Variants in MGRN1 observed in about 807,000 individuals in gnomAD.
The protein encoded by MGRN1 is E3 ubiquitin-protein ligase MGRN1.
A neutral mutation model predicts 69.2 loss-of-function variants in MGRN1; 29 were observed. The observed-to-expected ratio is 0.42, with a 90% CI of 0.31 to 0.57. MGRN1 has a LOEUF of 0.57. Ranked by LOEUF, MGRN1 falls within the 20% of genes least tolerant of loss-of-function variation. MGRN1 has a pLI of 0.15. For missense variants in MGRN1, 998 were observed against 796.2 expected (o/e 1.25, Z -3.05); for synonymous variants, 470 against 344.2 (o/e 1.37, Z -4.04).
intron 6 of MGRN1, 151 bp from the exon 7 acceptor site, chr16:4,664,951 C>A: frequency 8.8e-7 from 1 of 1,142,434 alleles, no homozygotes; most frequent in Non-Finnish European, 1.3e-6. Context: ...GTGGAAAGTG[C>A]AGGAGGGCAG....
intron 1 of MGRN1, among the ~76,000 whole-genome samples, chr16:4,626,921 G>A (rs1475468557): frequency 6.6e-6 from 1 of 152,224 alleles, no homozygotes; most frequent in African/African-American, 2.4e-5. Flanking sequence ...CAGTCCACAG[G>A]TCCTCTCCAG....
chr16:4,645,565 G>A (rs985586667), intron 1 of MGRN1, among the ~76,000 whole-genome samples: 3 of 152,204 alleles, frequency 2.0e-5, no homozygotes, highest in African/African-American at 7.2e-5. Flanking sequence ...AGAAGAATAA[G>A]GCTGGAAAGG....
chr16:4,667,811 C>T (rs1026031265), intron 7 of MGRN1, among the ~76,000 whole-genome samples: 7 of 152,188 alleles, frequency 4.6e-5, no homozygotes, highest in Admixed American at 1.3e-4. Context: ...CCTGTGTGTG[C>T]ACCACTGTGC....
intron 16 of MGRN1, 49 bp downstream of exon 16, chr16:4,683,981 C>T (rs1373164154): frequency 1.1e-5 from 16 of 1,494,356 alleles, no homozygotes; most frequent in African/African-American, 1.4e-5. Context: ...CTGTCTTAGT[C>T]CCCAGGGAGG....
intron 1 of MGRN1, 89 bp from the exon 2 acceptor site, chr16:4,650,276 C>T: frequency 9.7e-7 from 1 of 1,029,534 alleles, no homozygotes; most frequent in Non-Finnish European, 1.4e-6. Flanking sequence ...GCACTCCAGC[C>T]TGGGTGGAGC....
intron 14 of MGRN1, 131 bp downstream of exon 14, chr16:4,683,077 G>A (rs1324261608): frequency 3.4e-6 from 5 of 1,492,480 alleles, no homozygotes; most frequent in East Asian, 4.6e-5. Context: ...GCTGAGCTGC[G>A]CGGCTCCTTA....
intron 5 of MGRN1, 117 bp from the exon 6 acceptor site, chr16:4,664,592 G>A: frequency 9.4e-7 from 1 of 1,060,804 alleles, no homozygotes; most frequent in Non-Finnish European, 1.5e-6. Flanking sequence ...CGTGTCCTCT[G>A]AGCTCTGCTG....
intron 8 of MGRN1, 37 bp downstream of exon 8, chr16:4,668,349 A>T (rs1455222335): frequency 6.2e-7 from 1 of 1,606,054 alleles, no homozygotes; most frequent in South Asian, 1.1e-5. Context: ...GCTTGAATTA[A>T]AAGACACACA....
At chr16:4,659,182 A>T (rs2078620269) in intron 5 of MGRN1, 1 of 152,052 alleles carries the variant, frequency 6.6e-6, no homozygotes, top group Non-Finnish European at 1.5e-5. Context: ...AAAAATAAAA[A>T]TAAAATAAAA....
intron 4 of MGRN1, 68 bp downstream of exon 4, chr16:4,652,892 C>T: frequency 6.7e-7 from 1 of 1,493,324 alleles, no homozygotes; most frequent in African/African-American, 1.4e-5. Context: ...GGCTTCTGTC[C>T]ACCTTACTAA....
intron 7 of MGRN1, among the ~76,000 whole-genome samples, chr16:4,667,000 G>A (rs1475505410): frequency 6.6e-6 from 1 of 152,194 alleles, no homozygotes; most frequent in Non-Finnish European, 1.5e-5. Context: ...TTGGTGCCTC[G>A]GTGGCCCCGC....
intron 16 of MGRN1, chr16:4,687,043 CCACCGTGGGCCTGGCAT>C: frequency 1.0e-6 from 1 of 985,672 alleles, no homozygotes; most frequent in Non-Finnish European, 1.2e-6. Flanking sequence ...GTCAGCATGG[CCACCGTGGGCCTGGCAT>C]CACCATGGGC....
At chr16:4,660,929 C>G (rs2078664621) in intron 5 of MGRN1, among the ~76,000 whole-genome samples, 1 of 152,240 alleles carries the variant, frequency 6.6e-6, no homozygotes, top group South Asian at 2.1e-4. Context: ...AGCTGGAGGC[C>G]TAGCTGGGTC....
chr16:4,664,892 T>A, intron 6 of MGRN1, 117 bp downstream of exon 6: 4 of 1,395,992 alleles, frequency 2.9e-6, no homozygotes, highest in Non-Finnish European at 4.0e-6. Context: ...GCCTTGGGCT[T>A]CCCACAGGGC....
chr16:4,658,677 ACT>A (rs1057297565), intron 5 of MGRN1, among the ~76,000 whole-genome samples: 15 of 151,156 alleles, frequency 9.9e-5, no homozygotes, highest in African/African-American at 3.2e-4. Flanking sequence ...ACGTTTAGCC[ACT>A]CTCTGTAAAA....
At chr16:4,680,862 C>A (rs2079167461) in intron 12 of MGRN1, among the ~76,000 whole-genome samples, 1 of 152,210 alleles carries the variant, frequency 6.6e-6, no homozygotes, top group South Asian at 2.1e-4. Context: ...CCCCTTCCTT[C>A]CAGGAGCTCG....
chr16:4,686,523 A>T, intron 16 of MGRN1: 2 of 1,368,354 alleles, frequency 1.5e-6, no homozygotes, highest in South Asian at 3.7e-5. Context: ...TCGGGGCCAG[A>T]GGTCTCTCCA....
rs747007916 is a variant in MGRN1, at chr16:4,681,595, G to C, written c.1177G>C (p.Glu393Gln). 1 of 1,613,532 alleles carries C rather than the reference G, an allele frequency of 6.2e-7. No individual in the cohort carries two copies. Residue 393 changes from glutamate (E) to glutamine (Q), a missense_variant, in exon 13 of 17, where the codon GAG becomes CAG. Physicochemically the swap from Glu to Gln is conservative, Grantham distance 29 (BLOSUM62 2). Coordinates refer to ENST00000262370, the MANE Select transcript of MGRN1 (RefSeq NM_015246.4). ...TGGCTACGAGCCCATCTCGCTGCTC[G>C]AGGCGCTCAACGGCCTCCGGGCTGT... ...PPGYEPISLLEALNGLRAVSP... is the reference protein window; with the variant it reads ...PPGYEPISLLQALNGLRAVSP...
intron 5 of MGRN1, among the ~76,000 whole-genome samples, chr16:4,658,198 C>A (rs1021705536): frequency 1.3e-5 from 2 of 151,976 alleles, no homozygotes; most frequent in Admixed American, 1.3e-4. Flanking sequence ...ATCTGGTCTG[C>A]AGCTTGCAAA....
Sources: gnomAD v4.1 joint callset for allele counts (sites outside exome capture counted in the v4.1 genomes callset) on GRCh38, gnomAD v4.1.1 for gene constraint, MANE v1.5 for transcripts, NCBI Gene and HGNC (gene_info 2026-07-23, HGNC 2026-07-21) for gene names.